Variants in CDK5RAP2 observed in about 807,000 individuals in gnomAD.
CDK5RAP2 encodes CDK5 regulatory subunit associated protein 2.
CDK5RAP2 carries 147 observed loss-of-function variants against 232.9 expected under a neutral mutation model. The ratio of observed to expected loss-of-function variants is 0.63; its 90% confidence interval spans 0.55 to 0.72. CDK5RAP2 has a LOEUF of 0.72. CDK5RAP2 is among the 30% of genes least tolerant of loss of function. The pLI is 0.00. For missense variants in CDK5RAP2, 2,195 were observed against 2,231.5 expected (o/e 0.98, Z 0.33); for synonymous variants, 833 against 833.7 (o/e 1.00, Z 0.01).
chr9:120,554,979 A>G (rs1423886840), intron 3 of CDK5RAP2, among the ~76,000 whole-genome samples: 2 of 152,162 alleles, frequency 1.3e-5, no homozygotes, highest in Non-Finnish European at 2.9e-5. Context: ...TGTTTGCAAC[A>G]TGCAAAATCA....
At chr9:120,508,099 G>T (rs1180338514) in intron 12 of CDK5RAP2, among the ~76,000 whole-genome samples, 1 of 151,774 alleles carries the variant, frequency 6.6e-6, no homozygotes, top group Admixed American at 6.6e-5. Flanking sequence ...GAATGAGAAG[G>T]TTCTCATCCA....
intron 25 of CDK5RAP2, among the ~76,000 whole-genome samples, chr9:120,431,727 A>G (rs2035296442): frequency 6.6e-6 from 1 of 152,218 alleles, no homozygotes; most frequent in Non-Finnish European, 1.5e-5. Flanking sequence ...TCATGTGGTG[A>G]GCTCACTGAT....
chr9:120,499,451 G>A (rs2039473961), intron 12 of CDK5RAP2, among the ~76,000 whole-genome samples: 1 of 151,926 alleles, frequency 6.6e-6, no homozygotes, highest in African/African-American at 2.4e-5. Context: ...GATTATAGAT[G>A]ATTTTTTTAA....
intron 21 of CDK5RAP2, 134 bp downstream of exon 21, chr9:120,453,319 CAGG>C: frequency 2.6e-6 from 2 of 758,086 alleles, no homozygotes; most frequent in East Asian, 5.4e-5. Context: ...GGGTGGAGGC[CAGG>C]GTAAGTGCAA....
chr9:120,532,159 C>T (rs993885963), intron 7 of CDK5RAP2, among the ~76,000 whole-genome samples: 3 of 152,054 alleles, frequency 2.0e-5, no homozygotes, highest in Non-Finnish European at 4.4e-5. Context: ...CCCAGGGCTG[C>T]CAATCTCCTA....
At chr9:120,429,478 G>C (rs2035140079) in intron 25 of CDK5RAP2, among the ~76,000 whole-genome samples, 1 of 152,142 alleles carries the variant, frequency 6.6e-6, no homozygotes, top group African/African-American at 2.4e-5. Flanking sequence ...GACAAACAGA[G>C]AGCCAAATCA....
At chr9:120,539,186 T>G (rs2041524214) in intron 5 of CDK5RAP2, 22 bp from the exon 6 acceptor site, 1 of 1,613,434 alleles carries the variant, frequency 6.2e-7, no homozygotes, top group Non-Finnish European at 8.5e-7. Context: ...GGCACAGGGG[T>G]AAAACATGCA....
intron 36 of CDK5RAP2, among the ~76,000 whole-genome samples, chr9:120,390,528 G>A (rs1004669676): frequency 2.6e-5 from 4 of 152,166 alleles, no homozygotes; most frequent in Admixed American, 6.5e-5. Flanking sequence ...AGGGGCAGGC[G>A]AGCCCTGGCT....
At chr9:120,467,818 A>T in intron 18 of CDK5RAP2, 42 bp downstream of exon 18, 5 of 1,609,514 alleles carry the variant, frequency 3.1e-6, no homozygotes, top group Non-Finnish European at 4.2e-6. Context: ...GCCGGTTGTT[A>T]TATTTTTGTA....
chr9:120,564,166 C>T (rs1211691941), intron 3 of CDK5RAP2, among the ~76,000 whole-genome samples: 1 of 152,038 alleles, frequency 6.6e-6, no homozygotes, highest in African/African-American at 2.4e-5. Context: ...GGAATCTACC[C>T]TTAAAAAAAA....
In CDK5RAP2 at chr9:120,400,863, C is replaced by T. The variant is rs1199940265; in HGVS notation, c.5330G>A (p.Ser1777Asn). 1 of 1,614,084 alleles carries T rather than the reference C, an allele frequency of 6.2e-7. No individual in the cohort carries two copies. The highest frequency in any genetic ancestry group is 8.5e-7 in the Non-Finnish European group (1 of 1,180,008). The change falls in exon 35 of 38, where the codon AGC (serine) becomes AAC (asparagine). Residue 1777 changes from serine to asparagine, a missense_variant. Coordinates refer to ENST00000349780, the MANE Select transcript of CDK5RAP2 (RefSeq NM_018249.6). ...GTKGPHPAPL[S>N]KFVSSVSTAK... ...CGTGCTCACACTGCTCACAAACTTG[C>T]TCAGTGGTGCTGGGTGTGGACCCTA...
intron 12 of CDK5RAP2, among the ~76,000 whole-genome samples, chr9:120,504,298 A>G (rs1483017313): frequency 6.6e-6 from 1 of 152,134 alleles, no homozygotes; most frequent in African/African-American, 2.4e-5. Context: ...CCCAGCAAAG[A>G]CTAGGCCTGG....
chr9:120,433,613 GT>G (rs2035404524), intron 25 of CDK5RAP2, among the ~76,000 whole-genome samples: 1 of 152,226 alleles, frequency 6.6e-6, no homozygotes, highest in South Asian at 2.1e-4. Context: ...ATTTAAATAT[GT>G]AAGGTTATTT....
chr9:120,394,488 G>A, intron 36 of CDK5RAP2, 24 bp downstream of exon 36: 2 of 1,613,976 alleles, frequency 1.2e-6, no homozygotes, highest in Non-Finnish European at 1.7e-6. Context: ...GTCAGGCATA[G>A]CGGCCACCCC....
In CDK5RAP2 at chr9:120,403,929, C is replaced by G. The variant is rs931848411; in HGVS notation, c.5041+107G>C. 1.3e-6 allele frequency: 1 copy of G among 781,542 alleles called. No individual in the cohort carries two copies. Among genetic ancestry groups the G allele is most frequent in the Non-Finnish European group, 2.3e-6 (1 of 436,628 alleles). 48.4% of individuals were successfully genotyped at this position (781,542 alleles called of 1,614,324 possible). A position where few individuals can be genotyped will look rare whatever the true frequency, so the allele number is the denominator to read the frequency against. On this transcript the variant is annotated intron_variant, in intron 33 of 37. Transcript: ENST00000349780. This position sits in a 1 kb window ranked among gnomAD's most constrained non-coding sequence, Gnocchi z 4.2. The stretch of plus-strand genomic sequence containing the variant: ...GAGAACTTGAAATCCCAAATCCTTA[C>G]CAAATACCCTCCTGAGTTGGGACCA...
At chr9:120,393,213 A>AAGCTG (rs2032154530) in intron 36 of CDK5RAP2, among the ~76,000 whole-genome samples, 1 of 152,190 alleles carries the variant, frequency 6.6e-6, no homozygotes, top group Admixed American at 6.5e-5. Context: ...TGCACTCAGC[A>AAGCTG]CATCGTCCTG....
chr9:120,420,055 G>A, intron 26 of CDK5RAP2, 95 bp from the exon 27 acceptor site: 1 of 979,306 alleles, frequency 1.0e-6, no homozygotes, highest in Non-Finnish European at 1.6e-6. Context: ...TTTACTCTTA[G>A]TAACTCCCCA....
intron 26 of CDK5RAP2, among the ~76,000 whole-genome samples, chr9:120,421,446 TAA>T: frequency 1.3e-5 from 2 of 152,284 alleles, no homozygotes; most frequent in South Asian, 4.1e-4. Context: ...AAGCCCTGAT[TAA>T]AACTCCTCCT....
intron 24 of CDK5RAP2, 99 bp downstream of exon 24, chr9:120,439,300 T>C: frequency 9.5e-7 from 1 of 1,050,940 alleles, no homozygotes; most frequent in Non-Finnish European, 1.5e-6. Flanking sequence ...ACTCTACCCA[T>C]CACAGAGTAG....
Sources: allele counts gnomAD v4.1 joint callset (sites outside exome capture counted in the v4.1 genomes callset), GRCh38; gene constraint gnomAD v4.1.1; non-coding constraint Gnocchi (gnomAD v3.1); transcripts MANE v1.5; gene names NCBI Gene and HGNC (gene_info 2026-07-23, HGNC 2026-07-21).